The following RGS22 variants were observed in gnomAD, a reference collection of about 807,000 sequenced individuals.
The protein encoded by RGS22 is regulator of G protein signaling 22.
Under a neutral mutation model 172.9 loss-of-function variants are expected in RGS22, and 148 were observed. The ratio of observed to expected loss-of-function variants is 0.86; its 90% CI spans 0.75 to 0.98. RGS22 has a LOEUF of 0.98. RGS22 is among the 50% of genes least tolerant of loss of function. RGS22 has a pLI of 0.00. For missense variants in RGS22, 1,347 were observed against 1,440.8 expected, an observed-to-expected ratio of 0.93 and a Z score of 1.05; for synonymous variants, 458 against 480.2, an observed-to-expected ratio of 0.95 and a Z score of 0.60.
chr8:100,034,605 GA>G (rs1440082404), intron 14 of RGS22, among the ~76,000 whole-genome samples: 2 of 152,038 alleles, frequency 1.3e-5, no homozygotes, highest in African/African-American at 4.8e-5. Context: ...CACAGAATTG[GA>G]AAAAATTACT....
chr8:99,965,722 T>G (rs533318703), intron 23 of RGS22, among the ~76,000 whole-genome samples: 23 of 152,288 alleles, frequency 1.5e-4, no homozygotes, highest in African/African-American at 5.5e-4. Flanking sequence ...AACATTTTCA[T>G]GAACATCCAT....
At position 99,982,093 on chromosome 8, in the gene RGS22, A is replaced by C. The variant is rs141967830; in HGVS notation, c.3204T>G (p.Asp1068Glu). ...TAATCTTCTTCTGGATGACAGACTC[A>C]TCACAATGAGAATGGCACAAGTCCT... is the stretch of plus-strand genomic sequence containing the variant. ...KYKDLCHSHC[D>E]ESVIQKKITT... The change falls in exon 22 of 28, where the codon GAT becomes GAG. Residue 1068 changes from aspartate (D) to glutamate (E), a missense_variant. Transcript: ENST00000360863. 1,108 of 1,613,280 alleles carry C rather than the reference A, an allele frequency of 6.9e-4. 5 individuals carry two copies. In the African/African-American group the frequency reaches 0.013, roughly 19 times the overall value.
chr8:100,075,568 A>G (rs1024339233), intron 4 of RGS22, among the ~76,000 whole-genome samples: 1 of 152,218 alleles, frequency 6.6e-6, no homozygotes, highest in East Asian at 1.9e-4. Flanking sequence ...ATGGTATGGT[A>G]TATGTTTAAC....
chr8:100,004,469 C>T (rs907517532), intron 16 of RGS22: 1 of 153,030 alleles, frequency 6.5e-6, no homozygotes, highest in African/African-American at 2.4e-5. Context: ...CCACCATTAA[C>T]ATTTTTTAAT....
chr8:100,105,537 T>C (rs1813866597), intron 1 of RGS22, 135 bp from the exon 2 acceptor site: 1 of 752,430 alleles, frequency 1.3e-6, no homozygotes, highest in African/African-American at 1.8e-5. Flanking sequence ...CTGTTCATTC[T>C]CTGTACATGG....
Position 99,987,557 on chromosome 8 carries a change from C to T in RGS22, c.3081G>A (p.Leu1027=), listed in dbSNP as rs1813235806. The T allele has an allele frequency of 6.2e-7, 1 of 1,611,178 alleles. No homozygotes were observed. The highest frequency in any genetic ancestry group is 8.5e-7 in the Non-Finnish European group (1 of 1,178,554). ...CKIIAFRKAL[L]NPVTSRQFQR... ...GAAATTGTCTTGAAGTAACTGGATT[C>T]AATAATGCTTTGCGAAAAGCAATGA... The change falls in exon 21 of 28, where the codon TTG becomes TTA. Residue 1027 remains leucine (L), a synonymous_variant. Coordinates refer to ENST00000360863, the MANE Select transcript of RGS22 (RefSeq NM_015668.5).
intron 23 of RGS22, among the ~76,000 whole-genome samples, chr8:99,977,311 T>C (rs73274923): frequency 0.087 from 11,982 of 138,304 alleles, 806 homozygotes; most frequent in African/African-American, 0.18. Flanking sequence ...TCAGTAGAGA[T>C]GGGGTTTCAC....
intron 23 of RGS22, among the ~76,000 whole-genome samples, chr8:99,968,861 G>T (rs143755075): frequency 6.6e-6 from 1 of 152,026 alleles, no homozygotes; most frequent in Non-Finnish European, 1.5e-5. Flanking sequence ...CAACATTCAA[G>T]TTCAGGAAAT....
chr8:100,076,455 C>T (rs1811354618), intron 4 of RGS22, among the ~76,000 whole-genome samples: 1 of 152,126 alleles, frequency 6.6e-6, no homozygotes, highest in African/African-American at 2.4e-5. Flanking sequence ...GTTTTGGCAT[C>T]AGTGTAATGC....
In RGS22 at chr8:100,006,261, G is replaced by A; in HGVS notation, c.2362-152C>T. The A allele has an allele frequency of 9.9e-6, 6 of 608,998 alleles. No homozygotes were observed. The South Asian group carries it at 1.3e-4, about 13-fold the overall frequency. The allele number at this position is 608,998 out of a possible 1,614,324, so 37.7% of individuals were successfully genotyped here. A position where few individuals can be genotyped will look rare whatever the true frequency, so the allele number is the denominator to read the frequency against. Reference sequence around the variant, plus strand: ...TAGTTTAAAAGATTAGCTACAGCAGGGTCACACTTCAAAAGGATGCAATAA... The same window carrying A: ...TAGTTTAAAAGATTAGCTACAGCAGAGTCACACTTCAAAAGGATGCAATAA... On this transcript the variant is annotated intron_variant, in intron 15 of 27. Coordinates refer to ENST00000360863, the MANE Select transcript of RGS22 (RefSeq NM_015668.5).
At chr8:100,086,204 A>G (rs1339187318) in intron 3 of RGS22, among the ~76,000 whole-genome samples, 1 of 152,198 alleles carries the variant, frequency 6.6e-6, no homozygotes, top group African/African-American at 2.4e-5. Context: ...ATACAAGAGC[A>G]CAAAATAATA....
intron 4 of RGS22, among the ~76,000 whole-genome samples, chr8:100,077,155 C>T (rs148161856): frequency 1.5e-3 from 231 of 151,998 alleles, no homozygotes; most frequent in African/African-American, 5.1e-3. Context: ...TCTTTTTCTT[C>T]ATCATTCTGG....
At chr8:100,052,769 T>C (rs200302854) in intron 10 of RGS22, 33 bp downstream of exon 10, 3 of 1,589,176 alleles carry the variant, frequency 1.9e-6, no homozygotes, top group African/African-American at 1.3e-5. Flanking sequence ...ACTACAAACT[T>C]AGTAGAGATC....
intron 14 of RGS22, among the ~76,000 whole-genome samples, chr8:100,013,204 T>C (rs549776748): frequency 1.7e-4 from 26 of 152,226 alleles, no homozygotes; most frequent in Middle Eastern, 6.8e-3. Flanking sequence ...TTAGCCAGGA[T>C]GGTCTCAAAA....
At chr8:100,096,606 A>AGT (rs1812986492) in intron 2 of RGS22, among the ~76,000 whole-genome samples, 1 of 100,874 alleles carries the variant, frequency 9.9e-6, no homozygotes, top group Non-Finnish European at 1.9e-5. Context: ...GATGAACTAC[A>AGT]ATTTTTTTTT....
chr8:99,984,437 A>AT (rs5893502), intron 21 of RGS22, among the ~76,000 whole-genome samples: 14,102 of 151,054 alleles, frequency 0.093, 857 homozygotes, highest in African/African-American at 0.16. Context: ...ATTATAACTG[A>AT]TTTTTTTTTT....
At chr8:100,029,571 T>C (rs1818546448) in intron 14 of RGS22, among the ~76,000 whole-genome samples, 1 of 151,510 alleles carries the variant, frequency 6.6e-6, no homozygotes, top group Non-Finnish European at 1.5e-5. Context: ...GGCGTGGTGG[T>C]GCACACCTGT....
At chr8:99,981,650 C>G (rs1194881862) in intron 22 of RGS22, among the ~76,000 whole-genome samples, 1 of 151,552 alleles carries the variant, frequency 6.6e-6, no homozygotes, top group Admixed American at 6.6e-5. Flanking sequence ...AGGACTGGAA[C>G]CTTGTCAAAT....
intron 2 of RGS22, among the ~76,000 whole-genome samples, chr8:100,101,205 A>C (rs975495138): frequency 2.0e-5 from 3 of 152,104 alleles, no homozygotes; most frequent in African/African-American, 7.2e-5. Context: ...AAAATTTAAG[A>C]GTCATTCTCA....
Sources: allele counts gnomAD v4.1 joint callset (sites outside exome capture counted in the v4.1 genomes callset), GRCh38; gene constraint gnomAD v4.1.1; transcripts MANE v1.5; gene names NCBI Gene and HGNC (gene_info 2026-07-23, HGNC 2026-07-21).